The following SPAG16 variants were observed in gnomAD, a reference collection of about 807,000 sequenced individuals.
SPAG16 encodes sperm-associated antigen 16 protein.
SPAG16 carries 86 observed loss-of-function variants against 80.4 expected under a neutral mutation model. That is an observed-to-expected ratio of 1.07 (90% confidence interval 0.90 to 1.28). The LOEUF is 1.28. Ranked by LOEUF, SPAG16 falls within the 50% of genes most tolerant of loss-of-function variation. The pLI, the probability that SPAG16 is intolerant of heterozygous loss-of-function variation, is 0.00. For missense variants in SPAG16, 870 were observed against 765.3 expected (o/e 1.14, Z -1.61); for synonymous variants, 294 against 265.9 (o/e 1.11, Z -1.03).
At chr2:213,851,339 A>G (rs532094379) in intron 10 of SPAG16, among the ~76,000 whole-genome samples, 24 of 152,176 alleles carry the variant, frequency 1.6e-4, no homozygotes, top group Non-Finnish European at 3.4e-4. Flanking sequence ...ATGAAACCCC[A>G]TCTCTACTAA....
intron 14 of SPAG16, among the ~76,000 whole-genome samples, chr2:214,111,148 G>T (rs2053642271): frequency 6.6e-6 from 1 of 152,172 alleles, no homozygotes; most frequent in African/African-American, 2.4e-5. Flanking sequence ...GATCCCATTT[G>T]TCTATTCTGG....
intron 3 of SPAG16, among the ~76,000 whole-genome samples, chr2:213,308,134 T>C (rs1245350600): frequency 6.6e-6 from 1 of 152,100 alleles, no homozygotes; most frequent in Non-Finnish European, 1.5e-5. Context: ...GAGACGATGA[T>C]TGTTTTATTT....
intron 10 of SPAG16, among the ~76,000 whole-genome samples, chr2:213,736,439 C>T (rs2067285801): frequency 6.6e-6 from 1 of 151,976 alleles, no homozygotes; most frequent in Non-Finnish European, 1.5e-5. Flanking sequence ...ATGCACCCAC[C>T]ACCACACCCG....
At chr2:213,876,900 C>T (rs1383966222) in intron 11 of SPAG16, among the ~76,000 whole-genome samples, 1 of 152,142 alleles carries the variant, frequency 6.6e-6, no homozygotes, top group Non-Finnish European at 1.5e-5. Context: ...GTCCCATTTA[C>T]ACAAATTATT....
At chr2:213,647,008 A>T (rs1441466415) in intron 10 of SPAG16, among the ~76,000 whole-genome samples, 1 of 152,238 alleles carries the variant, frequency 6.6e-6, no homozygotes, top group Non-Finnish European at 1.5e-5. Flanking sequence ...AAATGAAATT[A>T]AAAATTTTGG....
At chr2:214,097,293 G>C (rs1036948001) in intron 13 of SPAG16, among the ~76,000 whole-genome samples, 1 of 151,896 alleles carries the variant, frequency 6.6e-6, no homozygotes, top group Non-Finnish European at 1.5e-5. Flanking sequence ...ATTAAATAGG[G>C]GGCATAATGA....
intron 10 of SPAG16, among the ~76,000 whole-genome samples, chr2:213,678,414 C>T (rs1293356426): frequency 6.6e-6 from 1 of 152,036 alleles, no homozygotes; most frequent in South Asian, 2.1e-4. Context: ...CAAATAGACA[C>T]AATAAAAAAT....
At chr2:213,537,196 A>C (rs772656508) in intron 10 of SPAG16, among the ~76,000 whole-genome samples, 3 of 150,842 alleles carry the variant, frequency 2.0e-5, no homozygotes, top group African/African-American at 7.3e-5. Flanking sequence ...TAGCTTTAGG[A>C]GATATACCTA....
chr2:213,544,484 G>T (rs1366696583), intron 10 of SPAG16, among the ~76,000 whole-genome samples: 1 of 151,942 alleles, frequency 6.6e-6, no homozygotes, highest in Admixed American at 6.6e-5. Flanking sequence ...AACCAGAGAG[G>T]TATATTCGTT....
intron 11 of SPAG16, among the ~76,000 whole-genome samples, chr2:213,909,478 A>G (rs1344908662): frequency 6.6e-6 from 1 of 152,142 alleles, no homozygotes; most frequent in Non-Finnish European, 1.5e-5. Flanking sequence ...TTCAAACTAT[A>G]CTACAAGGCT....
intron 15 of SPAG16, among the ~76,000 whole-genome samples, chr2:214,396,734 T>C (rs1701406680): frequency 6.6e-6 from 1 of 152,078 alleles, no homozygotes; most frequent in Admixed American, 6.5e-5. Context: ...ATAATTTTTA[T>C]CTATTTGGTT....
At chr2:213,934,314 CATGGTGGTG>C (rs1266986618) in intron 12 of SPAG16, among the ~76,000 whole-genome samples, 1 of 152,156 alleles carries the variant, frequency 6.6e-6, no homozygotes. Context: ...GCATTGTGTT[CATGGTGGTG>C]ATGGTGGTGG....
chr2:214,364,460 T>C (rs1438460908), intron 15 of SPAG16, among the ~76,000 whole-genome samples: 1 of 152,158 alleles, frequency 6.6e-6, no homozygotes, highest in Non-Finnish European at 1.5e-5. Flanking sequence ...TTTTATGTTA[T>C]ATTTATGCTA....
intron 10 of SPAG16, among the ~76,000 whole-genome samples, chr2:213,634,377 G>A (rs1035245386): frequency 5.3e-5 from 8 of 151,994 alleles, no homozygotes; most frequent in Non-Finnish European, 8.8e-5. Context: ...TACTGATTAT[G>A]TCTTGACAAG....
intron 10 of SPAG16, among the ~76,000 whole-genome samples, chr2:213,563,855 T>A (rs539283423): frequency 6.5e-4 from 99 of 152,318 alleles, no homozygotes; most frequent in African/African-American, 2.3e-3. Context: ...TTCTTTTGGT[T>A]TTCTCTGCTA....
intron 12 of SPAG16, among the ~76,000 whole-genome samples, chr2:213,958,307 G>C (rs1052975419): frequency 6.6e-6 from 1 of 152,088 alleles, no homozygotes; most frequent in African/African-American, 2.4e-5. Context: ...GAGTCAGTGG[G>C]TCAGGTAGGT....
At position 214,070,794 on chromosome 2, in the gene SPAG16, A is replaced by G. The variant is rs1191815354; in HGVS notation, c.1528-37402A>G. 3.3e-5 allele frequency among the ~76,000 whole-genome samples: 5 copies of G among 152,016 alleles called. No individual in the cohort carries two copies. The South Asian group carries it at 8.3e-4, about 25-fold the overall frequency. ...TATGGTTTTATTATATTAACACATT[A>G]CTAATATTTTTCAGATTTCTGCATA... is the stretch of plus-strand genomic sequence containing the variant. On this transcript the variant is annotated intron_variant, in intron 13 of 15. Coordinates refer to ENST00000331683, the MANE Select transcript of SPAG16 (RefSeq NM_024532.5).
intron 10 of SPAG16, among the ~76,000 whole-genome samples, chr2:213,695,878 T>C (rs2065135602): frequency 6.6e-6 from 1 of 152,188 alleles, no homozygotes; most frequent in Admixed American, 6.5e-5. Context: ...CTTTTGTGGT[T>C]GTTAAGCATG....
At chr2:213,792,044 CT>C (rs2070730136) in intron 10 of SPAG16, among the ~76,000 whole-genome samples, 1 of 152,038 alleles carries the variant, frequency 6.6e-6, no homozygotes, top group Non-Finnish European at 1.5e-5. Flanking sequence ...TTTCTTTTTT[CT>C]TAAAACACCA....
Sources: gnomAD v4.1 joint callset for allele counts (sites outside exome capture counted in the v4.1 genomes callset) on GRCh38, gnomAD v4.1.1 for gene constraint, MANE v1.5 for transcripts, NCBI Gene and HGNC (gene_info 2026-07-23, HGNC 2026-07-21) for gene names.